SMAD9: variants seen among roughly 807,000 people sequenced by gnomAD.
SMAD9 encodes SMAD family member 9.
In SMAD9, 36 loss-of-function variants were observed where a neutral mutation model predicts 46.1. The ratio of observed to expected loss-of-function variants is 0.78; its 90% confidence interval spans 0.60 to 1.03. The LOEUF (loss-of-function observed/expected upper bound fraction) is 1.03, where lower values mean the gene tolerates loss of function less well. SMAD9 is among the 50% of genes least tolerant of loss of function. SMAD9 has a pLI of 0.00. For missense variants in SMAD9, 572 were observed against 599.8 expected, an observed-to-expected ratio of 0.95 and a Z score of 0.48; for synonymous variants, 245 against 237.1, an observed-to-expected ratio of 1.03 and a Z score of -0.31.
intron 1 of SMAD9, among the ~76,000 whole-genome samples, chr13:36,911,315 T>C (rs1207614138): frequency 6.6e-6 from 1 of 152,160 alleles, no homozygotes; most frequent in Non-Finnish European, 1.5e-5. Flanking sequence ...TGGCCAACTA[T>C]TGTATCATTA....
Position 36,853,405 on chromosome 13 carries a change from CA to C in SMAD9, c.1260+13del. On this transcript the variant is annotated intron_variant, in intron 6 of 6. Transcript: ENST00000379826. ...CACTGAACATTTTATAACGTGATAGCAAGCACTCCTTACCTTAACAAAACTC... is the reference window on the plus strand; with the variant it reads ...CACTGAACATTTTATAACGTGATAGCAGCACTCCTTACCTTAACAAAACTC... 1 of 1,613,362 alleles carries C rather than the reference CA, an allele frequency of 6.2e-7. No individual in the cohort carries two copies.
chr13:36,881,432 C>A (rs1045364898), intron 1 of SMAD9, among the ~76,000 whole-genome samples: 3 of 152,164 alleles, frequency 2.0e-5, no homozygotes, highest in Non-Finnish European at 4.4e-5. Flanking sequence ...TTTCTGAGTC[C>A]AATTCTATAA....
intron 1 of SMAD9, among the ~76,000 whole-genome samples, chr13:36,884,869 A>G (rs914262488): frequency 3.3e-5 from 5 of 152,214 alleles, no homozygotes; most frequent in African/African-American, 1.2e-4. Context: ...TTTTGGGTCA[A>G]TGTGGCCAAG....
intron 1 of SMAD9, among the ~76,000 whole-genome samples, chr13:36,888,957 AGGGTGGAAG>A (rs2058469466): frequency 6.6e-6 from 1 of 152,166 alleles, no homozygotes; most frequent in East Asian, 1.9e-4. Flanking sequence ...GAGGAGAAGA[AGGGTGGAAG>A]ACATTTCAGT....
chr13:36,857,024 G>C (rs547328668), intron 5 of SMAD9, among the ~76,000 whole-genome samples: 1 of 151,698 alleles, frequency 6.6e-6, no homozygotes, highest in South Asian at 2.1e-4. Flanking sequence ...GGCTGGTCTC[G>C]AACTCCTGAC....
rs2138244605 is a variant in SMAD9 at position 36,847,142 on chromosome 13, C to G, written c.*1534G>C. The G allele has an allele frequency of 6.6e-6, 1 of 152,298 alleles. No individual in the cohort carries two copies. Among genetic ancestry groups the G allele is most frequent in the African/African-American group, 2.4e-5 (1 of 41,552 alleles). The allele number at this position is 152,298 out of a possible 1,614,324, so 9.4% of individuals were successfully genotyped here. ...TAACTGTAAGAGGTGACAGTAGTAG[C>G]TCAATCATATATCTTTCTCACATGA... On this transcript the variant is annotated 3_prime_UTR_variant, in exon 7 of 7. Coordinates refer to ENST00000379826, the MANE Select transcript of SMAD9 (RefSeq NM_001127217.3).
intron 2 of SMAD9, among the ~76,000 whole-genome samples, chr13:36,873,930 G>T (rs187424740): frequency 6.6e-6 from 1 of 152,194 alleles, no homozygotes; most frequent in Admixed American, 6.5e-5. Flanking sequence ...TGCTTTTCTG[G>T]GTTTCATTTT....
chr13:36,911,622 G>T (rs1452282709), intron 1 of SMAD9, among the ~76,000 whole-genome samples: 6 of 67,052 alleles, frequency 8.9e-5, no homozygotes, highest in African/African-American at 1.6e-4. Context: ...GCCTGGGGGG[G>T]GGGGGGGCGG....
rs567389502 is a variant in SMAD9, at chr13:36,896,977, G to GAA, written c.-186-17104_-186-17103dup. The stretch of plus-strand genomic sequence containing the variant: ...GCAATACTTTCTTATGCCATAATTT[G>GAA]AAAAAAAAAACAGATTTAGAACACT... On this transcript the variant is annotated intron_variant, in intron 1 of 6. Transcript: ENST00000379826. Among the ~76,000 whole-genome samples, 839 of 142,654 alleles carry GAA rather than the reference G, an allele frequency of 5.9e-3. 7 individuals are homozygous for GAA. The highest frequency in any genetic ancestry group is 0.021 in the African/African-American group (810 of 39,086). 93.6% of individuals were successfully genotyped at this position (142,654 alleles called of 152,430 possible).
upstream of SMAD9, among the ~76,000 whole-genome samples, chr13:36,920,425 C>T (rs1252555080): frequency 6.6e-6 from 1 of 151,686 alleles, no homozygotes; most frequent in South Asian, 2.1e-4. Flanking sequence ...TGCGCGGAAA[C>T]TCGCGGCGCG....
chr13:36,894,721 T>G (rs774570077), intron 1 of SMAD9, among the ~76,000 whole-genome samples: 12 of 152,100 alleles, frequency 7.9e-5, no homozygotes, highest in Non-Finnish European at 1.5e-4. Flanking sequence ...TTTGTACTTA[T>G]CATATGTCAC....
Position 36,906,400 on chromosome 13 carries a change from C to G in SMAD9, c.-187+13716G>C, listed in dbSNP as rs561937538. 3.7e-4 allele frequency among the ~76,000 whole-genome samples: 57 copies of G among 152,174 alleles called. No homozygotes were observed. In the South Asian group the frequency reaches 8.1e-3, roughly 22 times the overall value. On this transcript the variant is annotated intron_variant, in intron 1 of 6. Coordinates refer to ENST00000379826, the MANE Select transcript of SMAD9 (RefSeq NM_001127217.3). ...AAATAAATGGAAAAAAATGCAGTTT[C>G]TCGAGAAATACCTCACTAAAAACCA...
chr13:36,874,854 C>CAAA (rs529721275), intron 2 of SMAD9, among the ~76,000 whole-genome samples: 37 of 66,058 alleles, frequency 5.6e-4, no homozygotes, highest in Middle Eastern at 0.014. Context: ...GACTCCGTCC[C>CAAA]AAAAAAAAAA....
chr13:36,899,967 A>G (rs923563066), intron 1 of SMAD9, among the ~76,000 whole-genome samples: 1 of 152,150 alleles, frequency 6.6e-6, no homozygotes, highest in Non-Finnish European at 1.5e-5. Context: ...TCTAAGTAAA[A>G]GCCAGAAGCC....
intron 2 of SMAD9, among the ~76,000 whole-genome samples, chr13:36,876,922 C>T (rs866173902): frequency 6.6e-6 from 1 of 151,846 alleles, no homozygotes; most frequent in Middle Eastern, 3.4e-3. Context: ...GTAAGAAAAA[C>T]CTCTGTAACT....
At chr13:36,877,864 C>T (rs538170788) in intron 2 of SMAD9, among the ~76,000 whole-genome samples, 1 of 152,114 alleles carries the variant, frequency 6.6e-6, no homozygotes, top group Non-Finnish European at 1.5e-5. Context: ...GCATAAATCA[C>T]TTATTGGATA....
chr13:36,896,200 T>C (rs2058527319), intron 1 of SMAD9, among the ~76,000 whole-genome samples: 1 of 152,072 alleles, frequency 6.6e-6, no homozygotes, highest in South Asian at 2.1e-4. Context: ...TGGCACGATC[T>C]CGGCTCACTG....
chr13:36,884,676 G>A (rs188727662), intron 1 of SMAD9, among the ~76,000 whole-genome samples: 422 of 152,220 alleles, frequency 2.8e-3, no homozygotes, highest in Non-Finnish European at 4.4e-3. Flanking sequence ...TTAAGTTGAC[G>A]GTTTTAAATC....
rs1593539053 is a variant in SMAD9, at chr13:36,845,339, T to A, written c.*3337A>T. The A allele has an allele frequency of 6.6e-6, 1 of 152,118 alleles. No homozygotes were observed. The highest frequency in any genetic ancestry group is 2.4e-5 in the African/African-American group (1 of 41,412). The allele number at this position is 152,118 out of a possible 1,614,324, so 9.4% of individuals were successfully genotyped here. A position where few individuals can be genotyped will look rare whatever the true frequency, so the allele number is the denominator to read the frequency against. On this transcript the variant is annotated 3_prime_UTR_variant, in exon 7 of 7. Coordinates refer to ENST00000379826, the MANE Select transcript of SMAD9 (RefSeq NM_001127217.3). ...GTGTAAAACAAAACAAAACAAAACA[T>A]AAGGTATATGTGTTAAGTAGTGACA...
Sources: gnomAD v4.1 joint callset for allele counts (sites outside exome capture counted in the v4.1 genomes callset) on GRCh38, gnomAD v4.1.1 for gene constraint, MANE v1.5 for transcripts, NCBI Gene and HGNC (gene_info 2026-07-23, HGNC 2026-07-21) for gene names.